HCFC1R1: variants seen among roughly 807,000 people sequenced by gnomAD.
HCFC1R1 encodes the protein HCF-1 beta-propeller-interacting protein.
In HCFC1R1, 17 loss-of-function variants were observed where a neutral mutation model predicts 13.3. The observed-to-expected ratio is 1.28, with a 90% CI of 0.87 to 1.91. HCFC1R1 has a LOEUF of 1.91. HCFC1R1 is among the 40% of genes most tolerant of loss of function. The pLI is 0.00. For missense variants in HCFC1R1, 218 were observed against 177.9 expected, an observed-to-expected ratio of 1.23 and a Z score of -1.28; for synonymous variants, 87 against 71.1, an observed-to-expected ratio of 1.22 and a Z score of -1.12.
At chr16:3,024,108 G>T (rs1055227480), upstream of HCFC1R1, 1 of 713,854 alleles carries the variant, frequency 1.4e-6, no homozygotes, top group South Asian at 1.8e-5. Context: ...CCTCGGGGTG[G>T]GGGAGGGTAT....
chr16:3,022,864 C>A lies in HCFC1R1; in HGVS notation c.416G>T (p.Ter139LeuextTer34). 6.5e-7 allele frequency: 1 copy of A among 1,527,728 alleles called. No homozygotes were observed. The highest frequency in any genetic ancestry group is 1.3e-5 in the South Asian group (1 of 76,240). The allele number at this position is 1,527,728 out of a possible 1,614,324, so 94.6% of individuals were successfully genotyped here. Residue 139 changes from the stop codon to leucine, a stop_lost, in exon 4 of 4, where the codon TGA (stop) becomes TTA (leucine). Coordinates refer to ENST00000248089, the MANE Select transcript of HCFC1R1 (RefSeq NM_017885.4). ...GGGAGGGGCACTGTCCACCAGCACT[C>A]AGAGCTCCATTATGTCCCCAGCTGG... Reference protein sequence around the residue: ...ATPAGDIMEL* With the variant: ...ATPAGDIMELL
At position 3,023,888 on chromosome 16, in the gene HCFC1R1, G is replaced by A; in HGVS notation, c.54C>T (p.Leu18=). Residue 18 remains leucine, a synonymous_variant, in exon 1 of 4, where the codon CTC becomes CTT. Transcript: ENST00000248089. ...QRGPQGGAQR[L]PRAALGVTWG... ...AAGTCACCCCCAAGGCGGCCCGCGGGAGGCGCTGGGCCCCTCCCTGGGGGC... is the reference window on the plus strand; with the variant it reads ...AAGTCACCCCCAAGGCGGCCCGCGGAAGGCGCTGGGCCCCTCCCTGGGGGC... 1 of 1,556,676 alleles carries A rather than the reference G, an allele frequency of 6.4e-7. No homozygotes were observed. Among genetic ancestry groups the A allele is most frequent in the South Asian group, 1.2e-5 (1 of 85,304 alleles).
rs373162342 is a variant in HCFC1R1, at chr16:3,023,864, A to G, written c.78T>C (p.Thr26=). Residue 26 remains threonine (T), a synonymous_variant, in exon 1 of 4, where the codon ACT becomes ACC. Coordinates refer to ENST00000248089, the MANE Select transcript of HCFC1R1 (RefSeq NM_017885.4). ...QRLPRAALGV[T]WGLDASSPLR... ...ACACGCACCTGGCGTCCAGGCCCCA[A>G]GTCACCCCCAAGGCGGCCCGCGGGA... 366 of 1,548,260 alleles carry G rather than the reference A, an allele frequency of 2.4e-4. 2 individuals carry two copies. In the African/African-American group the frequency reaches 4.1e-3, roughly 17 times the overall value.
rs762014093 is a variant in HCFC1R1, at chr16:3,022,713, G to A, written c.*150C>T. The A allele has an allele frequency of 2.5e-5, 14 of 553,754 alleles. No individual in the cohort carries two copies. The highest frequency in any genetic ancestry group is 4.5e-5 in the Admixed American group (1 of 22,166). The allele number at this position is 553,754 out of a possible 1,614,324, so 34.3% of individuals were successfully genotyped here. On this transcript the variant is annotated 3_prime_UTR_variant, in exon 4 of 4. Transcript: ENST00000248089. ...CCCACCCCTCCCATCCCAGAACTCCGTTGGGCTCAGTGTCCTCTGTTGAGG... is the reference window on the plus strand; with the variant it reads ...CCCACCCCTCCCATCCCAGAACTCCATTGGGCTCAGTGTCCTCTGTTGAGG...
rs892741223 is a variant in HCFC1R1 at position 3,022,728 on chromosome 16, C to G, written c.*135G>C. 4 of 762,350 alleles carry G rather than the reference C, an allele frequency of 5.2e-6. No homozygotes were observed. Among genetic ancestry groups the G allele is most frequent in the South Asian group, 5.4e-5 (2 of 36,768 alleles). The allele number at this position is 762,350 out of a possible 1,614,324, so 47.2% of individuals were successfully genotyped here. ...CCAGAACTCCGTTGGGCTCAGTGTC[C>G]TCTGTTGAGGGAAGGTCTTGGTGCC... On this transcript the variant is annotated 3_prime_UTR_variant, in exon 4 of 4. Coordinates refer to ENST00000248089, the MANE Select transcript of HCFC1R1 (RefSeq NM_017885.4).
In HCFC1R1 at chr16:3,023,543, G is replaced by T; in HGVS notation, c.96-13C>A. On this transcript the variant is annotated splice_polypyrimidine_tract_variant and intron_variant, in intron 1 of 3. Transcript: ENST00000248089. ...TCGGAGAGGGGAGCTGGGAAAAAAA[G>T]AGAGCCTGGTGCACCCCACCCTCTT... 1 of 1,572,004 alleles carries T rather than the reference G, an allele frequency of 6.4e-7. No homozygotes were observed. The highest frequency in any genetic ancestry group is 1.1e-5 in the South Asian group (1 of 87,040).
chr16:3,023,293 T>C lies in HCFC1R1; in HGVS notation c.221A>G (p.His74Arg). ...MATHFSQLSL[H>R]NDHPYCSPPM... ...GGGGCTGCAGTAGGGGTGGTCATTG[T>C]GCAGGCTGAGTTGAGAGAAGTGGGT... The change falls in exon 3 of 4, where the codon CAC becomes CGC. Residue 74 changes from histidine to arginine, a missense_variant. Physicochemically the swap from His to Arg is conservative, Grantham distance 29 (BLOSUM62 0). Coordinates refer to ENST00000248089, the MANE Select transcript of HCFC1R1 (RefSeq NM_017885.4). 1 of 1,592,538 alleles carries C rather than the reference T, an allele frequency of 6.3e-7. No individual in the cohort carries two copies. The highest frequency in any genetic ancestry group is 8.6e-7 in the Non-Finnish European group (1 of 1,166,816).
intron 1 of HCFC1R1, 24 bp from the exon 2 acceptor site, chr16:3,023,554 G>A (rs1387461975): frequency 1.3e-6 from 2 of 1,560,030 alleles, no homozygotes; most frequent in Admixed American, 1.9e-5. Flanking sequence ...AGAGCCTGGT[G>A]CACCCCACCC....
chr16:3,023,135 C>A, intron 3 of HCFC1R1, 98 bp downstream of exon 3: 1 of 1,501,458 alleles, frequency 6.7e-7, no homozygotes, highest in South Asian at 1.2e-5. Flanking sequence ...ACCCAGAGGT[C>A]AGCTAGAGCT....
chr16:3,023,446 G>C, intron 2 of HCFC1R1, 28 bp downstream of exon 2: 1 of 1,613,780 alleles, frequency 6.2e-7, no homozygotes, highest in Non-Finnish European at 8.5e-7. Flanking sequence ...AGATCTTGTT[G>C]GGAGTCCCTC....
chr16:3,023,384 C>G (rs751989333), intron 2 of HCFC1R1, 23 bp from the exon 3 acceptor site: 1 of 1,612,478 alleles, frequency 6.2e-7, no homozygotes, highest in Non-Finnish European at 8.5e-7. Context: ...GGCAGAGAGG[C>G]AGGCTGGGAT....
At chr16:3,024,032 GGCACAGCCGCGAGGTTCT>G (rs890923530), upstream of HCFC1R1, 26 of 1,062,086 alleles carry the variant, frequency 2.4e-5, no homozygotes, top group African/African-American at 3.4e-4. Flanking sequence ...GCTTTAGGCG[GGCACAGCCGCGAGGTTCT>G]GCGCGGGCGC....
chr16:3,024,268 CGTAAGG>C, upstream of HCFC1R1: 1 of 1,609,176 alleles, frequency 6.2e-7, no homozygotes, highest in Admixed American at 1.7e-5. Context: ...GCTCTAGGCA[CGTAAGG>C]CCTCGTGAGG....
intron 1 of HCFC1R1, 96 bp downstream of exon 1, chr16:3,023,751 C>A: frequency 1.8e-6 from 2 of 1,121,232 alleles, no homozygotes; most frequent in Admixed American, 2.2e-5. Context: ...CCCGCCGATT[C>A]GCCCCACCCC....
chr16:3,023,567 T>C, intron 1 of HCFC1R1, 37 bp from the exon 2 acceptor site: 1 of 1,530,676 alleles, frequency 6.5e-7, no homozygotes. Context: ...CCCCACCCTC[T>C]TGGCCCCTTC....
At position 3,023,476 on chromosome 16, in the gene HCFC1R1, C is replaced by T. The variant is rs369375533; in HGVS notation, c.150G>A (p.Glu50=). ...TCCCTCCCTGCCCCCAAACTCACTG[C>T]TCCTCCTCCAGGCGCCGCTTGGTGC... The part of the protein sequence containing the change: ...PMSTKRRLEE[E]QEPLRKQFLS... Residue 50 remains glutamate, a splice_region_variant and synonymous_variant, in exon 2 of 4, where the codon GAG becomes GAA. Coordinates refer to ENST00000248089, the MANE Select transcript of HCFC1R1 (RefSeq NM_017885.4). 2 of 1,613,046 alleles carry T rather than the reference C, an allele frequency of 1.2e-6. No homozygotes were observed. The highest frequency in any genetic ancestry group is 2.2e-5 in the East Asian group (1 of 44,854).
chr16:3,023,975 G>T, upstream of HCFC1R1: 1 of 1,458,480 alleles, frequency 6.9e-7, no homozygotes, highest in South Asian at 1.2e-5. Context: ...GGATCTGGGC[G>T]ACAGGGGAGG....
At chr16:3,023,986 A>T (rs1265997350), upstream of HCFC1R1, 2 of 1,410,002 alleles carry the variant, frequency 1.4e-6, no homozygotes, top group East Asian at 2.5e-5. Flanking sequence ...ACAGGGGAGG[A>T]GTCTCTGAGG....
chr16:3,022,807 T>C lies in HCFC1R1; in HGVS notation c.*56A>G. 7.1e-7 allele frequency: 1 copy of C among 1,415,656 alleles called. No homozygotes were observed. The allele number at this position is 1,415,656 out of a possible 1,614,324, so 87.7% of individuals were successfully genotyped here. On this transcript the variant is annotated 3_prime_UTR_variant, in exon 4 of 4. Coordinates refer to ENST00000248089, the MANE Select transcript of HCFC1R1 (RefSeq NM_017885.4). ...AACCTTGTCCCTTTGCGGGAGTCGC[T>C]GGTCTCTTCTGTTGTGGGGAAGAAG...
Sources: gnomAD v4.1 joint callset for allele counts on GRCh38, gnomAD v4.1.1 for gene constraint, MANE v1.5 for transcripts, NCBI Gene and HGNC (gene_info 2026-07-23, HGNC 2026-07-21) for gene names.